The following RALGPS1 variants were observed in gnomAD, a reference collection of about 807,000 sequenced individuals.
RALGPS1 encodes ras-specific guanine nucleotide-releasing factor RalGPS1.
A neutral mutation model predicts 78.8 loss-of-function variants in RALGPS1; 19 were observed. The ratio of observed to expected loss-of-function variants is 0.24; its 90% CI spans 0.17 to 0.35. The LOEUF is 0.35. Among genes scored for constraint, RALGPS1 ranks in the 10% least tolerant of loss-of-function variants. RALGPS1 has a pLI of 1.00. For missense variants in RALGPS1, 454 were observed against 688.3 expected (o/e 0.66, Z 3.81); for synonymous variants, 228 against 256.3 (o/e 0.89, Z 1.06).
intron 8 of RALGPS1, among the ~76,000 whole-genome samples, chr9:127,090,563 A>G (rs576317181): frequency 2.0e-5 from 3 of 152,322 alleles, no homozygotes; most frequent in Admixed American, 1.3e-4. Context: ...TGTGGCTGCT[A>G]TGGGGACCTG....
At chr9:127,174,198 A>G (rs2059713893) in intron 10 of RALGPS1, among the ~76,000 whole-genome samples, 1 of 151,758 alleles carries the variant, frequency 6.6e-6, no homozygotes, top group African/African-American at 2.4e-5. Context: ...CAGCCTGGCG[A>G]CAGAGCAAGA....
In RALGPS1 at chr9:126,950,944, G is replaced by A. The variant is rs566200525; in HGVS notation, c.-65-11281G>A. ...AGCAAGACTAATAAAGAAAAAAAGA[G>A]AGAAGAATAAAATAGACACAATAAA... On this transcript the variant is annotated intron_variant, in intron 1 of 18. Coordinates refer to ENST00000259351, the MANE Select transcript of RALGPS1 (RefSeq NM_014636.3). Among the ~76,000 whole-genome samples, 7 of 152,018 alleles carry A rather than the reference G, an allele frequency of 4.6e-5. No individual in the cohort carries two copies. The South Asian group carries it at 1.2e-3, about 27-fold the overall frequency.
chr9:127,077,728 T>A (rs1230276745), intron 8 of RALGPS1, among the ~76,000 whole-genome samples: 1 of 152,096 alleles, frequency 6.6e-6, no homozygotes, highest in Non-Finnish European at 1.5e-5. Flanking sequence ...GTTTCCAAGG[T>A]TCCCCAAGGA....
intron 18 of RALGPS1, chr9:127,216,847 A>G: frequency 7.1e-7 from 1 of 1,409,022 alleles, no homozygotes; most frequent in Non-Finnish European, 9.4e-7. Flanking sequence ...GTCCCTCAGT[A>G]GCTCTGAGGG....
intron 1 of RALGPS1, among the ~76,000 whole-genome samples, chr9:126,922,320 G>A (rs1204365832): frequency 6.6e-6 from 1 of 152,164 alleles, no homozygotes; most frequent in East Asian, 1.9e-4. Context: ...CTTTGGCCTT[G>A]ACATCATAGG....
chr9:127,094,073 G>A (rs2052824579), intron 8 of RALGPS1: 11 of 789,896 alleles, frequency 1.4e-5, no homozygotes, highest in African/African-American at 3.5e-5. Context: ...TTTGTTTTGC[G>A]AGTTTAATAA....
chr9:127,045,234 A>C (rs2047650144), intron 5 of RALGPS1, among the ~76,000 whole-genome samples: 1 of 152,238 alleles, frequency 6.6e-6, no homozygotes, highest in Non-Finnish European at 1.5e-5. Flanking sequence ...ACACTTTGTT[A>C]CATTTTGTTA....
At chr9:127,164,666 A>T (rs1323668583) in intron 8 of RALGPS1, among the ~76,000 whole-genome samples, 1 of 151,082 alleles carries the variant, frequency 6.6e-6, no homozygotes, top group East Asian at 1.9e-4. Flanking sequence ...CAGCTTTCCA[A>T]ATAGCTGAGA....
At chr9:126,916,304 C>T (rs1056329789) in intron 1 of RALGPS1, among the ~76,000 whole-genome samples, 2 of 152,198 alleles carry the variant, frequency 1.3e-5, no homozygotes, top group Middle Eastern at 3.2e-3. Flanking sequence ...CTGCTTCTCT[C>T]TGCGAGGCCT....
At chr9:127,191,761 G>A (rs1384070054) in intron 11 of RALGPS1, among the ~76,000 whole-genome samples, 25 of 141,308 alleles carry the variant, frequency 1.8e-4, no homozygotes, top group African/African-American at 3.9e-4. Context: ...GCAGTGGCAC[G>A]ATCTCGGCTC....
chr9:127,056,284 G>C (rs1265057514), intron 7 of RALGPS1, among the ~76,000 whole-genome samples: 2 of 152,200 alleles, frequency 1.3e-5, no homozygotes, highest in Non-Finnish European at 2.9e-5. Context: ...CCTGGTTACA[G>C]AGAGCCACTT....
At chr9:127,039,978 A>G (rs995879145) in intron 5 of RALGPS1, among the ~76,000 whole-genome samples, 8 of 152,218 alleles carry the variant, frequency 5.3e-5, no homozygotes, top group African/African-American at 7.2e-5. Flanking sequence ...GGTTTTCTCT[A>G]GTTGCACTTC....
intron 4 of RALGPS1, among the ~76,000 whole-genome samples, chr9:127,027,086 G>T (rs967645172): frequency 1.3e-5 from 2 of 152,160 alleles, no homozygotes; most frequent in Non-Finnish European, 2.9e-5. Flanking sequence ...CACCACCTCT[G>T]TAGCCCCTTC....
intron 8 of RALGPS1, chr9:127,108,260 G>T: frequency 1.9e-6 from 3 of 1,614,042 alleles, no homozygotes; most frequent in Non-Finnish European, 1.7e-6. Flanking sequence ...CTGTTCTCCA[G>T]CTGGGAGAGC....
chr9:126,967,060 C>T (rs2039577731), intron 3 of RALGPS1, among the ~76,000 whole-genome samples: 1 of 152,180 alleles, frequency 6.6e-6, no homozygotes, highest in Non-Finnish European at 1.5e-5. Context: ...GTTTCTTGTC[C>T]TCCTAGGTGC....
intron 1 of RALGPS1, among the ~76,000 whole-genome samples, chr9:126,958,158 T>TATATATATATATAC (rs1345241110): frequency 1.5e-4 from 18 of 121,126 alleles, no homozygotes; most frequent in African/African-American, 4.4e-4. Context: ...TATATATATA[T>TATATATATATATAC]ACACACACAC....
At chr9:127,100,282 C>T (rs929639061) in intron 8 of RALGPS1, among the ~76,000 whole-genome samples, 6 of 152,144 alleles carry the variant, frequency 3.9e-5, no homozygotes, top group Non-Finnish European at 5.9e-5. Context: ...TGAGGTAGGT[C>T]ATTTCAATGC....
intron 14 of RALGPS1, chr9:127,210,809 G>C: frequency 6.6e-7 from 1 of 1,517,554 alleles, no homozygotes; most frequent in Non-Finnish European, 9.0e-7. Context: ...TCATTTGTTT[G>C]ACACATAGCT....
chr9:127,088,794 G>A (rs2052080280), intron 8 of RALGPS1: 6 of 894,626 alleles, frequency 6.7e-6, no homozygotes, highest in Non-Finnish European at 1.1e-5. Flanking sequence ...ATCATCCGCT[G>A]CAGTGACTTC....
Sources: gnomAD v4.1 joint callset for allele counts (sites outside exome capture counted in the v4.1 genomes callset) on GRCh38, gnomAD v4.1.1 for gene constraint, MANE v1.5 for transcripts, NCBI Gene and HGNC (gene_info 2026-07-23, HGNC 2026-07-21) for gene names.